Variants in STAG1 observed in about 807,000 individuals in gnomAD.
STAG1 encodes STAG1 cohesin complex component.
Under a neutral mutation model 170.9 loss-of-function variants are expected in STAG1, and 26 were observed. That is an observed-to-expected ratio of 0.15 (90% CI 0.11 to 0.21). The LOEUF (loss-of-function observed/expected upper bound fraction) is 0.21, where lower values mean the gene tolerates loss of function less well. Among genes scored for constraint, STAG1 ranks in the 10% least tolerant of loss-of-function variants. STAG1 has a pLI of 1.00. For synonymous variants in STAG1, 514 were observed against 497.7 expected (o/e 1.03, Z -0.44); for missense variants, 964 against 1,509.5 (o/e 0.64, Z 5.99).
intron 24 of STAG1, 142 bp downstream of exon 24, chr3:136,368,966 C>T (rs1937188145): frequency 1.6e-6 from 1 of 613,958 alleles, no homozygotes. Context: ...GCTAGGATTA[C>T]TGGTGTCAGC....
intron 23 of STAG1, among the ~76,000 whole-genome samples, chr3:136,373,327 G>GT (rs1452504271): frequency 5.9e-5 from 9 of 152,154 alleles, no homozygotes; most frequent in East Asian, 1.9e-4. Flanking sequence ...TTTTTGAAGG[G>GT]TTTTTTGTGT....
chr3:136,603,803 C>T (rs1290010089), intron 4 of STAG1, among the ~76,000 whole-genome samples: 1 of 151,954 alleles, frequency 6.6e-6, no homozygotes, highest in East Asian at 1.9e-4. Flanking sequence ...AGGGGAATGG[C>T]GTGAACCCGG....
chr3:136,485,416 C>T (rs963501044), intron 9 of STAG1, among the ~76,000 whole-genome samples: 1 of 152,064 alleles, frequency 6.6e-6, no homozygotes, highest in Non-Finnish European at 1.5e-5. Context: ...GAGATCACGC[C>T]ACTGCACTCC....
intron 6 of STAG1, 47 bp from the exon 7 acceptor site, chr3:136,521,464 T>A (rs1290167658): frequency 6.4e-7 from 1 of 1,558,810 alleles, no homozygotes; most frequent in Non-Finnish European, 8.8e-7. Context: ...ATTACAGAGT[T>A]TGATGAAAGC....
intron 10 of STAG1, among the ~76,000 whole-genome samples, chr3:136,475,138 C>CTTT (rs10686674): frequency 0.019 from 1,419 of 75,894 alleles, 26 homozygotes; most frequent in Non-Finnish European, 0.025. Context: ...TTATAGGTTC[C>CTTT]TTTTTTTTTT....
intron 1 of STAG1, among the ~76,000 whole-genome samples, chr3:136,716,029 T>G (rs1943532719): frequency 6.6e-6 from 1 of 151,724 alleles, no homozygotes; most frequent in Admixed American, 6.6e-5. Context: ...ACCTGGGAGG[T>G]GGAGATTGCA....
At chr3:136,646,054 G>C (rs1576709798) in intron 1 of STAG1, among the ~76,000 whole-genome samples, 1 of 152,220 alleles carries the variant, frequency 6.6e-6, no homozygotes, top group South Asian at 2.1e-4. Context: ...AACATTCACA[G>C]CTTTCTCATG....
At chr3:136,391,635 A>G (rs2108328453) in intron 22 of STAG1, among the ~76,000 whole-genome samples, 1 of 152,362 alleles carries the variant, frequency 6.6e-6, no homozygotes, top group Non-Finnish European at 1.5e-5. Context: ...TCGGCCTCCC[A>G]AAGTGCTGGG....
At chr3:136,710,976 G>A (rs1430259419) in intron 1 of STAG1, among the ~76,000 whole-genome samples, 2 of 151,426 alleles carry the variant, frequency 1.3e-5, no homozygotes, top group Non-Finnish European at 2.9e-5. Context: ...ACCTATTATA[G>A]AATATAATTT....
At chr3:136,554,456 C>T (rs1021419215) in intron 5 of STAG1, among the ~76,000 whole-genome samples, 3 of 152,188 alleles carry the variant, frequency 2.0e-5, no homozygotes, top group Non-Finnish European at 4.4e-5. Context: ...TTTAAGGGCA[C>T]ATGAAACATT....
chr3:136,412,023 A>AAAAC (rs138662410), intron 21 of STAG1, among the ~76,000 whole-genome samples: 23 of 151,546 alleles, frequency 1.5e-4, no homozygotes, highest in African/African-American at 2.7e-4. Context: ...CTTCGTCTAA[A>AAAAC]AAACAAACAA....
intron 7 of STAG1, among the ~76,000 whole-genome samples, chr3:136,503,334 A>G (rs1414389451): frequency 6.6e-6 from 1 of 152,218 alleles, no homozygotes; most frequent in Non-Finnish European, 1.5e-5. Flanking sequence ...AAGTCCATTA[A>G]AAATGTACTT....
chr3:136,723,061 G>A (rs1352472266), intron 1 of STAG1, among the ~76,000 whole-genome samples: 8 of 152,230 alleles, frequency 5.3e-5, no homozygotes, highest in African/African-American at 1.2e-4. Context: ...CCTCCCAGCC[G>A]CCTGCCTTGG....
At chr3:136,419,508 A>C (rs768935492) in intron 20 of STAG1, among the ~76,000 whole-genome samples, 4 of 151,904 alleles carry the variant, frequency 2.6e-5, no homozygotes, top group Non-Finnish European at 5.9e-5. Context: ...GCAGTGGTGT[A>C]ATCTTGGCTC....
intron 6 of STAG1, among the ~76,000 whole-genome samples, chr3:136,539,450 A>C (rs1326134066): frequency 6.6e-6 from 1 of 152,220 alleles, no homozygotes; most frequent in Non-Finnish European, 1.5e-5. Context: ...ATGCAAAAGA[A>C]CAAGCAAGAA....
intron 1 of STAG1, among the ~76,000 whole-genome samples, chr3:136,649,930 G>C (rs1941157106): frequency 6.6e-6 from 1 of 151,850 alleles, no homozygotes; most frequent in South Asian, 2.1e-4. Flanking sequence ...ACCAAGCCTG[G>C]CTAATTCTTT....
intron 1 of STAG1, among the ~76,000 whole-genome samples, chr3:136,751,675 T>A (rs1030324450): frequency 2.0e-5 from 3 of 151,524 alleles, no homozygotes; most frequent in East Asian, 2.0e-4. Flanking sequence ...TCCGCTGAAA[T>A]GAACTCGTTG....
intron 4 of STAG1, among the ~76,000 whole-genome samples, chr3:136,601,806 A>G (rs1204362501): frequency 6.6e-6 from 1 of 152,106 alleles, no homozygotes; most frequent in Admixed American, 6.6e-5. Flanking sequence ...ACTGTACTTC[A>G]GCCTGGCTAA....
rs1936333446 is a variant in STAG1, at chr3:136,348,885, T to C, written c.3271+273A>G. 6.8e-6 allele frequency: 3 copies of C among 441,248 alleles called. No homozygotes were observed. In the East Asian group the frequency reaches 1.4e-4, roughly 20 times the overall value. The allele number at this position is 441,248 out of a possible 1,614,324, so 27.3% of individuals were successfully genotyped here. ...TTTATATTTTAATGTATTAGAGGCA[T>C]ATAGTATGGGGATTGATTTTATAGA... is the stretch of plus-strand genomic sequence containing the variant. On this transcript the variant is annotated intron_variant, in intron 29 of 33. Coordinates refer to ENST00000383202, the MANE Select transcript of STAG1 (RefSeq NM_005862.3).
Sources: gnomAD v4.1 joint callset for allele counts (sites outside exome capture counted in the v4.1 genomes callset) on GRCh38, gnomAD v4.1.1 for gene constraint, MANE v1.5 for transcripts, NCBI Gene and HGNC (gene_info 2026-07-23, HGNC 2026-07-21) for gene names.